The following CECR2 variants were observed in gnomAD, a reference collection of about 807,000 sequenced individuals.
The protein encoded by CECR2 is CECR2 histone acetyl-lysine reader, also known as chromatin remodeling regulator CECR2.
A neutral mutation model predicts 154.5 loss-of-function variants in CECR2; 30 were observed. The ratio of observed to expected loss-of-function variants is 0.19; its 90% CI spans 0.15 to 0.26. The LOEUF (loss-of-function observed/expected upper bound fraction) is 0.26, where lower values mean the gene tolerates loss of function less well. CECR2 is among the 10% of genes least tolerant of loss of function. The probability of loss-of-function intolerance (pLI) is 1.00; values close to 1 mark genes in which losing one functional copy is unlikely to be tolerated. For missense variants in CECR2, 1,743 were observed against 1,829.3 expected (o/e 0.95, Z 0.86); for synonymous variants, 725 against 683.7 (o/e 1.06, Z -0.94).
intron 5 of CECR2, 27 bp from the exon 6 acceptor site, chr22:17,503,055 T>C (rs1192780239): frequency 5.0e-6 from 8 of 1,606,720 alleles, no homozygotes; most frequent in Non-Finnish European, 6.8e-6. Context: ...TTTGTTTTAA[T>C]TGGCACCTCT....
chr22:17,532,462 C>T (rs9605320), intron 9 of CECR2, among the ~76,000 whole-genome samples: 20,396 of 152,004 alleles, frequency 0.13, 1,843 homozygotes, highest in East Asian at 0.41. Context: ...ATAATCTAGG[C>T]AGACCTTCTA....
chr22:17,542,909 A>G lies in CECR2; in HGVS notation c.2766A>G (p.Pro922=). 6.2e-7 allele frequency: 1 copy of G among 1,613,448 alleles called. No individual in the cohort carries two copies. The highest frequency in any genetic ancestry group is 1.1e-5 in the South Asian group (1 of 91,038). ...LPGPFPQVAH[P]MSVTVSAPKP... ...GCCCTTTTCCGCAGGTAGCTCACCC[A>G]ATGTCAGTCACTGTGTCAGCCCCCA... is the stretch of plus-strand genomic sequence containing the variant. Residue 922 remains proline, a synonymous_variant, in exon 16 of 19, where the codon CCA becomes CCG. Transcript: ENST00000262608.
intron 1 of CECR2, among the ~76,000 whole-genome samples, chr22:17,381,369 CT>C (rs11393111): frequency 5.3e-4 from 80 of 151,346 alleles, no homozygotes; most frequent in Admixed American, 2.2e-3. Flanking sequence ...TAACTCTAGA[CT>C]TTTTTTTTAA....
chr22:17,363,002 C>G (rs1004540666), intron 1 of CECR2, among the ~76,000 whole-genome samples: 1 of 150,808 alleles, frequency 6.6e-6, no homozygotes, highest in Non-Finnish European at 1.5e-5. Context: ...GGTCTCCATC[C>G]TGTGTCACGT....
At chr22:17,514,593 T>C (rs1025368304) in intron 8 of CECR2, among the ~76,000 whole-genome samples, 1 of 152,208 alleles carries the variant, frequency 6.6e-6, no homozygotes, top group African/African-American at 2.4e-5. Context: ...TTATTTTTGC[T>C]TGGCCAGTTG....
intron 1 of CECR2, among the ~76,000 whole-genome samples, chr22:17,397,748 C>T (rs1035576340): frequency 2.0e-5 from 3 of 151,916 alleles, no homozygotes; most frequent in Non-Finnish European, 4.4e-5. Context: ...CCGCCCGCCT[C>T]GGCCTCCCAA....
chr22:17,423,542 G>T (rs923010525), intron 1 of CECR2, among the ~76,000 whole-genome samples: 12 of 151,908 alleles, frequency 7.9e-5, no homozygotes, highest in African/African-American at 2.2e-4. Context: ...AAGTGCTCTG[G>T]CCTGTTTCAG....
chr22:17,519,121 G>A (rs2056110576), intron 8 of CECR2: 1 of 155,530 alleles, frequency 6.4e-6, no homozygotes, highest in African/African-American at 2.4e-5. Context: ...CATTAGGTTT[G>A]ACCCCCAAGA....
intron 5 of CECR2, 83 bp from the exon 6 acceptor site, chr22:17,502,999 T>C (rs1357499644): frequency 4.8e-5 from 57 of 1,193,008 alleles, no homozygotes; most frequent in Non-Finnish European, 6.6e-5. Flanking sequence ...GTTAAATTAA[T>C]GGGTTCTACC....
upstream of CECR2, among the ~76,000 whole-genome samples, chr22:17,365,572 T>A (rs1259571786): frequency 6.6e-6 from 1 of 151,986 alleles, no homozygotes; most frequent in East Asian, 1.9e-4. Context: ...GGTGGGTGCC[T>A]GTACACCCAG....
At chr22:17,452,469 A>G (rs2054786948) in intron 1 of CECR2, among the ~76,000 whole-genome samples, 3 of 152,068 alleles carry the variant, frequency 2.0e-5, no homozygotes, top group Non-Finnish European at 4.4e-5. Flanking sequence ...AGAATAGGGG[A>G]AAAAATGTGG....
intron 9 of CECR2, among the ~76,000 whole-genome samples, chr22:17,530,094 C>G (rs1482741676): frequency 6.6e-6 from 1 of 151,762 alleles, no homozygotes; most frequent in Non-Finnish European, 1.5e-5. Flanking sequence ...GTAAATAGTT[C>G]CTCTGTCGTA....
intron 2 of CECR2, among the ~76,000 whole-genome samples, chr22:17,496,888 T>C (rs1374319553): frequency 1.3e-5 from 2 of 151,464 alleles, no homozygotes; most frequent in Non-Finnish European, 2.9e-5. Flanking sequence ...AAAAACCCTC[T>C]TTATATATTT....
At chr22:17,515,097 ATT>A (rs1316114145) in intron 8 of CECR2, among the ~76,000 whole-genome samples, 4 of 151,474 alleles carry the variant, frequency 2.6e-5, no homozygotes, top group Non-Finnish European at 5.9e-5. Flanking sequence ...GTGTAATGTC[ATT>A]TAGGTAAAAT....
intron 1 of CECR2, among the ~76,000 whole-genome samples, chr22:17,363,641 C>T (rs1168176890): frequency 2.0e-5 from 3 of 151,930 alleles, no homozygotes; most frequent in East Asian, 1.9e-4. Context: ...CCATACCTGG[C>T]CTATTTATTT....
At chr22:17,412,197 G>A (rs1424387552) in intron 1 of CECR2, among the ~76,000 whole-genome samples, 1 of 152,062 alleles carries the variant, frequency 6.6e-6, no homozygotes, top group Non-Finnish European at 1.5e-5. Flanking sequence ...ATGATCCTTA[G>A]CTGTGGCTGC....
At chr22:17,531,402 C>T (rs1226589044) in intron 9 of CECR2, among the ~76,000 whole-genome samples, 1 of 152,214 alleles carries the variant, frequency 6.6e-6, no homozygotes, top group Non-Finnish European at 1.5e-5. Flanking sequence ...AAATCGCTGT[C>T]TTCCTCAGCG....
intron 1 of CECR2, among the ~76,000 whole-genome samples, chr22:17,464,652 A>G (rs1036594561): frequency 2.0e-5 from 3 of 152,058 alleles, no homozygotes; most frequent in African/African-American, 7.3e-5. Flanking sequence ...GGCACGCACC[A>G]CCATACCTAG....
intron 1 of CECR2, among the ~76,000 whole-genome samples, chr22:17,381,980 T>C (rs925659008): frequency 2.8e-4 from 43 of 151,816 alleles, no homozygotes; most frequent in African/African-American, 8.9e-4. Context: ...CTCCGCCTCC[T>C]GGGTTCACCC....
Sources: allele counts gnomAD v4.1 joint callset (sites outside exome capture counted in the v4.1 genomes callset), GRCh38; gene constraint gnomAD v4.1.1; transcripts MANE v1.5; gene names NCBI Gene and HGNC (gene_info 2026-07-23, HGNC 2026-07-21).